The following HOXD13 variants were observed in gnomAD, a reference collection of about 807,000 sequenced individuals.
The protein encoded by HOXD13 is homeobox protein Hox-D13.
Under a neutral mutation model 27.3 loss-of-function variants are expected in HOXD13, and 16 were observed. The ratio of observed to expected loss-of-function variants is 0.59; its 90% CI spans 0.40 to 0.89. HOXD13 has a LOEUF of 0.89. Among genes scored for constraint, HOXD13 ranks in the 40% least tolerant of loss-of-function variants. The pLI, the probability that HOXD13 is intolerant of heterozygous loss-of-function variation, is 0.00. For missense variants in HOXD13, 481 were observed against 482.6 expected (o/e 1.00, Z 0.03); for synonymous variants, 241 against 219.0 (o/e 1.10, Z -0.89).
At position 176,093,655 on chromosome 2, in the gene HOXD13, G is replaced by A; in HGVS notation, c.765G>A (p.Trp255Ter). 1 of 1,595,994 alleles carries A rather than the reference G, an allele frequency of 6.3e-7. No homozygotes were observed. The highest frequency in any genetic ancestry group is 8.6e-7 in the Non-Finnish European group (1 of 1,168,684). The stretch of plus-strand genomic sequence containing the variant: ...ACCAGCCACAGGGGTCCCACTTTTG[G>A]AAATCTTCCTTTCCAGGTAGGGGCG... The part of the protein sequence containing the change: ...TKDQPQGSHF[W>*]KSSFPGDVAL... The change falls in exon 1 of 2, where the codon TGG becomes TGA. Residue 255 changes from tryptophan to a stop codon, truncating the protein, a stop_gained. Transcript: ENST00000392539. LOFTEE classifies it high-confidence loss of function.
At chr2:176,089,624 G>A (rs1689292390), upstream of HOXD13, among the ~76,000 whole-genome samples, 1 of 152,182 alleles carries the variant, frequency 6.6e-6, no homozygotes, top group Admixed American at 6.5e-5. Context: ...CAGGACAAGA[G>A]CAAAATTTGA....
In HOXD13 at chr2:176,093,233, G is replaced by A; in HGVS notation, c.343G>A (p.Ala115Thr). Residue 115 changes from alanine to threonine, a missense_variant, in exon 1 of 2, where the codon GCC (alanine) becomes ACC (threonine). Coordinates refer to ENST00000392539, the MANE Select transcript of HOXD13 (RefSeq NM_000523.4). ...KECPAPTPAA[A>T]AAAPPSAPAL... The stretch of plus-strand genomic sequence containing the variant: ...GTGCCCAGCACCCACGCCTGCAGCG[G>A]CCGCTGCAGCGCCCCCGAGCGCTCC... 6.2e-7 allele frequency: 1 copy of A among 1,609,472 alleles called. No individual in the cohort carries two copies. The highest frequency in any genetic ancestry group is 8.5e-7 in the Non-Finnish European group (1 of 1,179,248).
upstream of HOXD13, among the ~76,000 whole-genome samples, chr2:176,090,071 G>A (rs913769644): frequency 6.6e-6 from 1 of 152,224 alleles, no homozygotes; most frequent in Non-Finnish European, 1.5e-5. Context: ...TGTCTCATTA[G>A]TTCATAAACA....
intron 1 of HOXD13, 84 bp from the exon 2 acceptor site, chr2:176,094,396 C>CACACAA: frequency 1.3e-6 from 2 of 1,505,978 alleles, no homozygotes; most frequent in Non-Finnish European, 1.8e-6. Context: ...CACACACACA[C>CACACAA]ACACACACAC....
chr2:176,090,564 G>A (rs1689304640), upstream of HOXD13, among the ~76,000 whole-genome samples: 1 of 152,190 alleles, frequency 6.6e-6, no homozygotes, highest in Non-Finnish European at 1.5e-5. Context: ...TCATTAAAAT[G>A]TACTTATCAG....
At chr2:176,090,293 C>T (rs559449355), upstream of HOXD13, among the ~76,000 whole-genome samples, 5 of 152,372 alleles carry the variant, frequency 3.3e-5, no homozygotes, top group East Asian at 9.6e-4. Context: ...TCAAAATCTT[C>T]CTGGCTTCTG....
At chr2:176,092,636 G>C (rs1449832160), upstream of HOXD13, among the ~76,000 whole-genome samples, 1 of 152,102 alleles carries the variant, frequency 6.6e-6, no homozygotes, top group Non-Finnish European at 1.5e-5. Context: ...GGGGGCCCTC[G>C]GGGCGGGAGG....
upstream of HOXD13, among the ~76,000 whole-genome samples, chr2:176,088,103 TG>T (rs1358773475): frequency 6.6e-6 from 1 of 152,232 alleles, no homozygotes; most frequent in Non-Finnish European, 1.5e-5. Context: ...GGTCCCGCCT[TG>T]GGACGCATGC....
chr2:176,088,839 C>A (rs905598805), upstream of HOXD13, among the ~76,000 whole-genome samples: 13 of 152,154 alleles, frequency 8.5e-5, no homozygotes. Context: ...AAAAAGGCAA[C>A]AAGTTACTCT....
upstream of HOXD13, among the ~76,000 whole-genome samples, chr2:176,089,323 T>C (rs1445919053): frequency 6.6e-6 from 1 of 152,240 alleles, no homozygotes; most frequent in African/African-American, 2.4e-5. Flanking sequence ...AAGAACACTG[T>C]CCAGCCACTT....
rs757175860 is a variant in HOXD13, at chr2:176,093,025, C to T, written c.135C>T (p.Ser45=). The change falls in exon 1 of 2, where the codon TCC becomes TCT. Residue 45 remains serine, a synonymous_variant. Transcript: ENST00000392539. ...AASGQCRGFL[S]APVFAGTHSG... Reference sequence around the variant, plus strand: ...CAGGCCAGTGCCGCGGCTTTCTCTCCGCGCCTGTGTTCGCCGGGACGCATT... The same window carrying T: ...CAGGCCAGTGCCGCGGCTTTCTCTCTGCGCCTGTGTTCGCCGGGACGCATT... 384 of 1,386,776 alleles carry T rather than the reference C, an allele frequency of 2.8e-4. 1 individual carries two copies. In the Middle Eastern group the frequency reaches 4.6e-3, roughly 17 times the overall value. 85.9% of individuals were successfully genotyped at this position (1,386,776 alleles called of 1,614,324 possible).
At position 176,093,469 on chromosome 2, in the gene HOXD13, C is replaced by T. The variant is rs756869286; in HGVS notation, c.579C>T (p.Tyr193=). Residue 193 remains tyrosine, a synonymous_variant, in exon 1 of 2, where the codon TAC becomes TAT. Transcript: ENST00000392539. ...VPARAKEVSF[Y]QGYTSPYQHV... ...CGCGAGCCAAGGAGGTATCCTTCTA[C>T]CAGGGCTATACGAGCCCTTACCAGC... 1.9e-6 allele frequency: 3 copies of T among 1,614,074 alleles called. No homozygotes were observed. Among genetic ancestry groups the T allele is most frequent in the South Asian group, 2.2e-5 (2 of 91,080 alleles).
chr2:176,093,014 G>A lies in HOXD13; in HGVS notation c.124G>A (p.Gly42Ser). The A allele has an allele frequency of 7.2e-7, 1 of 1,386,214 alleles. No homozygotes were observed. The highest frequency in any genetic ancestry group is 1.5e-5 in the African/African-American group (1 of 65,618). 85.9% of individuals were successfully genotyped at this position (1,386,214 alleles called of 1,614,324 possible). A position where few individuals can be genotyped will look rare whatever the true frequency, so the allele number is the denominator to read the frequency against. The change falls in exon 1 of 2, where the codon GGC becomes AGC. Residue 42 changes from glycine (G) to serine (S), a missense_variant. Transcript: ENST00000392539. ...GGCGGCGGCGTCAGGCCAGTGCCGCGGCTTTCTCTCCGCGCCTGTGTTCGC... is the reference window on the plus strand; with the variant it reads ...GGCGGCGGCGTCAGGCCAGTGCCGCAGCTTTCTCTCCGCGCCTGTGTTCGC... ...AAAAASGQCR[G>S]FLSAPVFAGT...
At position 176,094,708 on chromosome 2, in the gene HOXD13, A is replaced by G. The variant is rs753726144; in HGVS notation, c.1010A>G (p.Lys337Arg). 9.9e-6 allele frequency: 16 copies of G among 1,614,054 alleles called. No individual in the cohort carries two copies. Among genetic ancestry groups the G allele is most frequent in the Non-Finnish European group, 9.3e-6 (11 of 1,180,002 alleles). Residue 337 changes from lysine (K) to arginine (R), a missense_variant, in exon 2 of 2, where the codon AAG becomes AGG. Lys to Arg is a conservative substitution (Grantham distance 26, BLOSUM62 2). Transcript: ENST00000392539. ...GTGAAGGACAAGAAAATTGTCTCCA[A>G]GCTCAAAGATACTGTCTCCTGATGT... Reference protein sequence around the residue: ...RRVKDKKIVSKLKDTVS With the variant: ...RRVKDKKIVSRLKDTVS
Position 176,093,094 on chromosome 2 carries a change from G to GGCTGCGGCGGCGGCA in HOXD13, c.206_207insTGCGGCGGCGGCAGC (p.Ala67_Ala71dup). The GGCTGCGGCGGCGGCA allele has an allele frequency of 7.0e-7, 1 of 1,426,150 alleles. No individual in the cohort carries two copies. Among genetic ancestry groups the GGCTGCGGCGGCGGCA allele is most frequent in the Non-Finnish European group, 9.1e-7 (1 of 1,103,824 alleles). The allele number at this position is 1,426,150 out of a possible 1,614,324, so 88.3% of individuals were successfully genotyped here. ...CGGCAGCGGCGGCTGCGGCGGCGGC[G>GGCTGCGGCGGCGGCA]GCGGCAGCCTCCGGCTTTGCGTACC... On this transcript the variant is annotated inframe_insertion, in exon 1 of 2. Transcript: ENST00000392539.
chr2:176,092,824 A>C lies in HOXD13; in HGVS notation c.-67A>C. The C allele has an allele frequency of 6.9e-6, 7 of 1,016,300 alleles. No homozygotes were observed. Among genetic ancestry groups the C allele is most frequent in the Non-Finnish European group, 8.8e-6 (7 of 799,598 alleles). The allele number at this position is 1,016,300 out of a possible 1,614,324, so 63.0% of individuals were successfully genotyped here. A position where few individuals can be genotyped will look rare whatever the true frequency, so the allele number is the denominator to read the frequency against. Reference sequence around the variant, plus strand: ...CCAGAGAGAAAGGAGAGGAGGGAGGAGGCGCGCCGCGCCATGGTGTCCTGC... The same window carrying C: ...CCAGAGAGAAAGGAGAGGAGGGAGGCGGCGCGCCGCGCCATGGTGTCCTGC... On this transcript the variant is annotated 5_prime_UTR_variant, in exon 1 of 2. Transcript: ENST00000392539.
At chr2:176,089,709 G>C (rs1001133189), upstream of HOXD13, among the ~76,000 whole-genome samples, 1 of 152,242 alleles carries the variant, frequency 6.6e-6, no homozygotes, top group Non-Finnish European at 1.5e-5. Flanking sequence ...GATGCCTCTG[G>C]AAGAAAAGGA....
rs2105379092 is a variant in HOXD13, at chr2:176,093,511, C to T, written c.621C>T (p.Ile207=). Residue 207 remains isoleucine, a synonymous_variant, in exon 1 of 2, where the codon ATC becomes ATT. Transcript: ENST00000392539. ...TSPYQHVPGY[I]DMVSTFGSGE... is the part of the protein sequence containing the mutation. ...CTTACCAGCACGTGCCCGGCTATAT[C>T]GACATGGTGTCCACTTTCGGCTCCG... 1 of 1,614,054 alleles carries T rather than the reference C, an allele frequency of 6.2e-7. No individual in the cohort carries two copies. The highest frequency in any genetic ancestry group is 1.7e-5 in the Admixed American group (1 of 60,034).
upstream of HOXD13, among the ~76,000 whole-genome samples, chr2:176,091,232 C>G (rs536485297): frequency 2.6e-5 from 4 of 152,118 alleles, no homozygotes; most frequent in African/African-American, 9.7e-5. Context: ...CATCTTTGGT[C>G]GGGGAACAGT....
Sources: gnomAD v4.1 joint callset for allele counts (sites outside exome capture counted in the v4.1 genomes callset) on GRCh38, gnomAD v4.1.1 for gene constraint, MANE v1.5 for transcripts, NCBI Gene and HGNC (gene_info 2026-07-23, HGNC 2026-07-21) for gene names.